Variants in C12orf42 observed in about 807,000 individuals in gnomAD.
C12orf42 encodes the protein uncharacterized protein C12orf42.
Under a neutral mutation model 21.6 loss-of-function variants are expected in C12orf42, and 25 were observed. The observed-to-expected ratio is 1.16, with a 90% CI of 0.84 to 1.62. The LOEUF (loss-of-function observed/expected upper bound fraction) is 1.62, where lower values mean the gene tolerates loss of function less well. C12orf42 is among the 40% of genes most tolerant of loss of function. C12orf42 has a pLI of 0.00. For synonymous variants in C12orf42, 174 were observed against 175.0 expected, an observed-to-expected ratio of 0.99 and a Z score of 0.05; for missense variants, 483 against 459.3, an observed-to-expected ratio of 1.05 and a Z score of -0.47.
chr12:103,502,780 C>G, the C12orf42 span, among the ~76,000 whole-genome samples: 9 of 152,172 alleles, frequency 5.9e-5, no homozygotes, highest in African/African-American at 2.2e-4. Flanking sequence ...ATTAAGCTAC[C>G]TCTGGGGATT....
chr12:103,446,892 A>G (rs1951610564), intron 2 of C12orf42, among the ~76,000 whole-genome samples: 1 of 152,030 alleles, frequency 6.6e-6, no homozygotes, highest in African/African-American at 2.4e-5. Context: ...GAAATGAGAT[A>G]GATGGCAACA....
chr12:103,112,344 G>A, the C12orf42 span, among the ~76,000 whole-genome samples: 1 of 152,146 alleles, frequency 6.6e-6, no homozygotes, highest in African/African-American at 2.4e-5. Flanking sequence ...TTGATAGGTG[G>A]TCAGATTATT....
the C12orf42 span, among the ~76,000 whole-genome samples, chr12:103,097,015 CT>C: frequency 3.9e-5 from 6 of 152,136 alleles, no homozygotes; most frequent in Non-Finnish European, 8.8e-5. Context: ...AAAGAGTGTA[CT>C]TTCCTCTCAA....
At chr12:103,190,148 T>G in the C12orf42 span, among the ~76,000 whole-genome samples, 1 of 152,148 alleles carries the variant, frequency 6.6e-6, no homozygotes, top group Non-Finnish European at 1.5e-5. Flanking sequence ...AAGCAGATAG[T>G]GCAGACCTCA....
chr12:103,129,346 G>A, the C12orf42 span, among the ~76,000 whole-genome samples: 2 of 152,150 alleles, frequency 1.3e-5, no homozygotes, highest in Non-Finnish European at 2.9e-5. Context: ...ATGAAGTGAC[G>A]TCAGGGCCTG....
Position 103,478,447 on chromosome 12 carries a change from C to T in C12orf42, c.-21G>A, listed in dbSNP as rs150414701. ...GACATTAATTTGACAAGTTCAACTCCCTATAAACAAAGAATGGAGAAAGAA... is the reference window on the plus strand; with the variant it reads ...GACATTAATTTGACAAGTTCAACTCTCTATAAACAAAGAATGGAGAAAGAA... On this transcript the variant is annotated splice_region_variant and 5_prime_UTR_variant, in exon 2 of 6. Transcript: ENST00000548883. 8.4e-5 allele frequency: 121 copies of T among 1,432,430 alleles called. No homozygotes were observed. The African/African-American group carries it at 1.3e-3, about 15-fold the overall frequency. The allele number at this position is 1,432,430 out of a possible 1,614,324, so 88.7% of individuals were successfully genotyped here.
the C12orf42 span, among the ~76,000 whole-genome samples, chr12:103,074,477 A>C: frequency 6.6e-6 from 1 of 152,136 alleles, no homozygotes; most frequent in African/African-American, 2.4e-5. Flanking sequence ...TATCAAACAG[A>C]AAGAGTACTG....
chr12:103,535,824 C>G, the C12orf42 span, among the ~76,000 whole-genome samples: 27 of 152,258 alleles, frequency 1.8e-4, no homozygotes, highest in East Asian at 3.3e-3. Flanking sequence ...GCTACCCAGG[C>G]TGGAGTGCAG....
the C12orf42 span, among the ~76,000 whole-genome samples, chr12:103,207,125 C>G: frequency 1.3e-5 from 2 of 152,208 alleles, no homozygotes; most frequent in African/African-American, 4.8e-5. Context: ...TGTCATGTCC[C>G]TCTGCCATTA....
intron 4 of C12orf42, among the ~76,000 whole-genome samples, chr12:103,360,172 G>A (rs934258504): frequency 7.0e-6 from 1 of 142,650 alleles, no homozygotes; most frequent in African/African-American, 2.6e-5. Flanking sequence ...TAGAGACAGT[G>A]GATGAAGGGG....
At chr12:103,119,176 T>C in the C12orf42 span, among the ~76,000 whole-genome samples, 1 of 152,250 alleles carries the variant, frequency 6.6e-6, no homozygotes, top group African/African-American at 2.4e-5. Flanking sequence ...ATTTTAGTAC[T>C]GTTCTCTTTA....
At chr12:103,177,814 A>G in the C12orf42 span, among the ~76,000 whole-genome samples, 1 of 152,028 alleles carries the variant, frequency 6.6e-6, no homozygotes, top group African/African-American at 2.4e-5. Context: ...TGTATTAGTC[A>G]TCCTCATCCC....
chr12:103,493,842 A>G (rs1245597621), intron 1 of C12orf42, among the ~76,000 whole-genome samples: 2 of 152,168 alleles, frequency 1.3e-5, no homozygotes, highest in Non-Finnish European at 2.9e-5. Flanking sequence ...TGTTAAATAC[A>G]CTTAAATGTT....
chr12:103,493,059 C>G lies in C12orf42; in HGVS notation c.-22+2843G>C, dbSNP rs912914453. ...TTGCTTGTCTGGATTACTACAGCAGCCTTCTAACAGCTTCCTAACCACTTG... is the reference window on the plus strand; with the variant it reads ...TTGCTTGTCTGGATTACTACAGCAGGCTTCTAACAGCTTCCTAACCACTTG... On this transcript the variant is annotated intron_variant, in intron 1 of 5. Coordinates refer to ENST00000548883, the MANE Select transcript of C12orf42 (RefSeq NM_198521.5). 5.9e-5 allele frequency among the ~76,000 whole-genome samples: 9 copies of G among 152,184 alleles called. No individual in the cohort carries two copies. In the East Asian group the frequency reaches 1.5e-3, roughly 26 times the overall value.
downstream of C12orf42, among the ~76,000 whole-genome samples, chr12:103,236,525 A>G (rs1044663475): frequency 6.6e-6 from 1 of 152,204 alleles, no homozygotes; most frequent in African/African-American, 2.4e-5. Flanking sequence ...ACTAAACTGC[A>G]AACCTGATTA....
chr12:103,133,276 C>T, the C12orf42 span, among the ~76,000 whole-genome samples: 1 of 152,158 alleles, frequency 6.6e-6, no homozygotes, highest in South Asian at 2.1e-4. Context: ...AGGTTAGTCA[C>T]TCCACTGCTA....
At chr12:103,422,827 G>A (rs2050024393) in intron 2 of C12orf42, among the ~76,000 whole-genome samples, 2 of 145,988 alleles carry the variant, frequency 1.4e-5, no homozygotes, top group Admixed American at 6.8e-5. Flanking sequence ...TGCAACCTGG[G>A]AACATTAAAA....
intron 1 of C12orf42, among the ~76,000 whole-genome samples, chr12:103,490,136 T>C (rs1031047813): frequency 6.6e-6 from 1 of 152,214 alleles, no homozygotes; most frequent in African/African-American, 2.4e-5. Context: ...TACACTAGGA[T>C]CCCAGCTTTA....
At chr12:103,256,110 A>ATATG (rs2034587927) in intron 10 of C12orf42, among the ~76,000 whole-genome samples, 1 of 30,210 alleles carries the variant, frequency 3.3e-5, no homozygotes, top group African/African-American at 1.0e-4. Flanking sequence ...ATATATATAT[A>ATATG]TACACACACA....
Sources: gnomAD v4.1 joint callset for allele counts (sites outside exome capture counted in the v4.1 genomes callset) on GRCh38, gnomAD v4.1.1 for gene constraint, MANE v1.5 for transcripts, NCBI Gene and HGNC (gene_info 2026-07-23, HGNC 2026-07-21) for gene names.